NOTCH3: variants seen among roughly 807,000 people sequenced by gnomAD.
The protein encoded by NOTCH3 is neurogenic locus notch homolog protein 3.
Under a neutral mutation model 213.3 loss-of-function variants are expected in NOTCH3, and 86 were observed. The ratio of observed to expected loss-of-function variants is 0.40; its 90% CI spans 0.34 to 0.48. NOTCH3 has a LOEUF of 0.48. Among genes scored for constraint, NOTCH3 ranks in the 20% least tolerant of loss-of-function variants. The pLI, the probability that NOTCH3 is intolerant of heterozygous loss-of-function variation, is 0.57. For synonymous variants in NOTCH3, 1,354 were observed against 1,355.9 expected (o/e 1.00, Z 0.03); for missense variants, 2,783 against 3,272.6 (o/e 0.85, Z 3.65).
rs761506399 is a variant in NOTCH3, at chr19:15,177,615, T to C, written c.4313A>G (p.Asn1438Ser). 1.9e-6 allele frequency: 3 copies of C among 1,591,468 alleles called. No individual in the cohort carries two copies. Among genetic ancestry groups the C allele is most frequent in the South Asian group, 2.3e-5 (2 of 88,246 alleles). ...GCAGGCGGGGTCGCAGCGGCTGTTG[T>C]TGAAGAGGCGCCAGCACTGCAGCGC... The part of the protein sequence containing the change: ...CEALQCWRLF[N>S]NSRCDPACSS... The change falls in exon 24 of 33, where the codon AAC becomes AGC. Residue 1438 changes from asparagine (N) to serine (S), a missense_variant. Around this residue, in one of 6 missense-constraint regions of NOTCH3, gnomAD observed 636 missense variants for 801.8 expected, o/e 0.79. Coordinates refer to ENST00000263388, the MANE Select transcript of NOTCH3 (RefSeq NM_000435.3).
chr19:15,188,040 C>T, intron 9 of NOTCH3, 46 bp from the exon 10 acceptor site: 1 of 1,386,606 alleles, frequency 7.2e-7, no homozygotes, highest in Non-Finnish European at 1.0e-6. Flanking sequence ...AGGGTGAGAG[C>T]AGTACACCCC....
In NOTCH3 at chr19:15,187,185, C is replaced by A. The variant is rs142787620; in HGVS notation, c.1760G>T (p.Arg587Leu). Reference sequence around the variant, plus strand: ...GCCGCCATGGCGGCAGGGCTGGCTGCGGCATTCGTCCACCTGGCTCTCGCA... The same window carrying A: ...GCCGCCATGGCGGCAGGGCTGGCTGAGGCATTCGTCCACCTGGCTCTCGCA... Reference protein sequence around the residue: ...TRCESQVDECRSQPCRHGGKC... With the variant: ...TRCESQVDECLSQPCRHGGKC... The change falls in exon 11 of 33, where the codon CGC (arginine) becomes CTC (leucine). Residue 587 changes from arginine to leucine, a missense_variant. Coordinates refer to ENST00000263388, the MANE Select transcript of NOTCH3 (RefSeq NM_000435.3). 2.5e-6 allele frequency: 4 copies of A among 1,614,062 alleles called. No individual in the cohort carries two copies. Among genetic ancestry groups the A allele is most frequent in the Non-Finnish European group, 3.4e-6 (4 of 1,180,022 alleles).
At position 15,189,076 on chromosome 19, in the gene NOTCH3, C is replaced by T. The variant is rs2145436233; in HGVS notation, c.1291G>A (p.Asp431Asn). 1 of 1,613,186 alleles carries T rather than the reference C, an allele frequency of 6.2e-7. No homozygotes were observed. The highest frequency in any genetic ancestry group is 1.1e-5 in the South Asian group (1 of 91,088). The change falls in exon 8 of 33, where the codon GAT becomes AAT. Residue 431 changes from aspartate (D) to asparagine (N), a missense_variant. Transcript: ENST00000263388. ...RGYTGPRCET[D>N]VNECLSGPCR... ...GGCCCCGACAGACACTCGTTGACAT[C>T]GGTCTCACAGCGAGGTCCAGTGTAG...
chr19:15,197,441 G>GGGGCCCCCCCCCC, intron 2 of NOTCH3, 59 bp downstream of exon 2: 7 of 768,356 alleles, frequency 9.1e-6, no homozygotes, highest in Admixed American at 2.0e-5. Context: ...AAGACAAATC[G>GGGGCCCCCCCCCC]CCCCTCCCCC....
At chr19:15,176,046 C>G (rs1206395729) in intron 24 of NOTCH3, among the ~76,000 whole-genome samples, 1 of 151,624 alleles carries the variant, frequency 6.6e-6, no homozygotes, top group Non-Finnish European at 1.5e-5. Flanking sequence ...TCAGGGGCAC[C>G]CACAGATAGC....
intron 2 of NOTCH3, among the ~76,000 whole-genome samples, chr19:15,194,460 A>C (rs2046954173): frequency 6.6e-6 from 1 of 152,194 alleles, no homozygotes; most frequent in Non-Finnish European, 1.5e-5. Flanking sequence ...CTTCAAGAGA[A>C]TAAATTACTA....
intron 23 of NOTCH3, chr19:15,178,306 C>G (rs780752651): frequency 6.5e-5 from 35 of 541,310 alleles, no homozygotes; most frequent in Non-Finnish European, 1.0e-4. Flanking sequence ...GCAGATAAGC[C>G]CTGCCATCCC....
Position 15,159,692 on chromosome 19 carries a change from G to A in NOTCH3, c.*970C>T, listed in dbSNP as rs564269352. ...GGAGTGGGGGGCTGTACAATGCAGG[G>A]CTTGGGAATTCAGCTACACAGGGAT... is the stretch of plus-strand genomic sequence containing the variant. On this transcript the variant is annotated 3_prime_UTR_variant, in exon 33 of 33. Coordinates refer to ENST00000263388, the MANE Select transcript of NOTCH3 (RefSeq NM_000435.3). 37 of 232,900 alleles carry A rather than the reference G, an allele frequency of 1.6e-4. No individual in the cohort carries two copies. Among genetic ancestry groups the A allele is most frequent in the African/African-American group, 7.3e-4 (33 of 45,434 alleles). The allele number at this position is 232,900 out of a possible 1,614,324, so 14.4% of individuals were successfully genotyped here.
rs777864050 is a variant in NOTCH3 at position 15,179,221 on chromosome 19, G to C, written c.3522C>G (p.Pro1174=). The C allele has an allele frequency of 6.2e-6, 10 of 1,613,980 alleles. No individual in the cohort carries two copies. In the South Asian group the frequency reaches 1.1e-4, roughly 18 times the overall value. ...CGPGPPLDSG[P]RCLHNGTCVD... is the part of the protein sequence containing the mutation. Reference sequence around the variant, plus strand: ...CGCAGGTGCCATTGTGTAGGCACCGGGGCCCTGAGTCCAGCGGTGGGCCTG... The same window carrying C: ...CGCAGGTGCCATTGTGTAGGCACCGCGGCCCTGAGTCCAGCGGTGGGCCTG... The change falls in exon 22 of 33, where the codon CCC becomes CCG. Residue 1174 remains proline (P), a synonymous_variant. Coordinates refer to ENST00000263388, the MANE Select transcript of NOTCH3 (RefSeq NM_000435.3).
At chr19:15,193,942 C>G (rs908754556) in intron 2 of NOTCH3, among the ~76,000 whole-genome samples, 1 of 151,704 alleles carries the variant, frequency 6.6e-6, no homozygotes, top group Non-Finnish European at 1.5e-5. Context: ...ATTAGCTGGG[C>G]GTGGTGGTGC....
chr19:15,170,681 C>G lies in NOTCH3; in HGVS notation c.4881G>C (p.Arg1627=). The change falls in exon 26 of 33, where the codon CGG becomes CGC. Residue 1627 remains arginine, a synonymous_variant. Coordinates refer to ENST00000263388, the MANE Select transcript of NOTCH3 (RefSeq NM_000435.3). ...AAGGCAGGGCCGCACCCCGCACGTC[C>G]CGCAGTGGGTACGGGAAGTCCAGGC... The part of the protein sequence containing the change: ...VERLDFPYPL[R]DVRGEPLEPP... 5 of 1,578,120 alleles carry G rather than the reference C, an allele frequency of 3.2e-6. No individual in the cohort carries two copies. Among genetic ancestry groups the G allele is most frequent in the Non-Finnish European group, 3.4e-6 (4 of 1,163,138 alleles).
In NOTCH3 at chr19:15,175,588, T is replaced by TACACACAC. The variant is rs149125680; in HGVS notation, c.4404-1189_4404-1188insGTGTGTGT. ...ATATATATATATGTATATATATGTATATACACACACACACACACACACACA... is the reference window on the plus strand; with the variant it reads ...ATATATATATATGTATATATATGTATACACACACATACACACACACACACACACACACA... On this transcript the variant is annotated intron_variant, in intron 24 of 32. Coordinates refer to ENST00000263388, the MANE Select transcript of NOTCH3 (RefSeq NM_000435.3). Among the ~76,000 whole-genome samples the TACACACAC allele has an allele frequency of 3.4e-3, 160 of 47,188 alleles. 1 individual carries two copies. The highest frequency in any genetic ancestry group is 8.0e-3 in the African/African-American group (148 of 18,522). 31.0% of individuals were successfully genotyped at this position (47,188 alleles called of 152,430 possible). A position where few individuals can be genotyped will look rare whatever the true frequency, so the allele number is the denominator to read the frequency against.
chr19:15,195,913 G>A (rs1472036140), intron 2 of NOTCH3, among the ~76,000 whole-genome samples: 1 of 151,636 alleles, frequency 6.6e-6, no homozygotes, highest in African/African-American at 2.4e-5. Context: ...GGGGGAGACG[G>A]AGGGGGGAGC....
intron 6 of NOTCH3, among the ~76,000 whole-genome samples, chr19:15,191,020 C>A (rs549742375): frequency 6.6e-6 from 1 of 151,996 alleles, no homozygotes; most frequent in Non-Finnish European, 1.5e-5. Flanking sequence ...TGTGCCCGGC[C>A]TAGCATAATC....
chr19:15,186,373 TTTTGTATGTG>T (rs1240686111), intron 12 of NOTCH3, among the ~76,000 whole-genome samples: 110 of 118,060 alleles, frequency 9.3e-4, no homozygotes, highest in Middle Eastern at 3.9e-3. Context: ...TTTTGTTTGT[TTTTGTATGTG>T]TGTGTGTGTG....
In NOTCH3 at chr19:15,189,072, A is replaced by G; in HGVS notation, c.1295T>C (p.Val432Ala). The change falls in exon 8 of 33, where the codon GTC becomes GCC. Residue 432 changes from valine to alanine, a missense_variant. Transcript: ENST00000263388. Reference sequence around the variant, plus strand: ...GCAGGGCCCCGACAGACACTCGTTGACATCGGTCTCACAGCGAGGTCCAGT... The same window carrying G: ...GCAGGGCCCCGACAGACACTCGTTGGCATCGGTCTCACAGCGAGGTCCAGT... The part of the protein sequence containing the change: ...GYTGPRCETD[V>A]NECLSGPCRN... 1 of 1,613,164 alleles carries G rather than the reference A, an allele frequency of 6.2e-7. No homozygotes were observed. The highest frequency in any genetic ancestry group is 8.5e-7 in the Non-Finnish European group (1 of 1,180,024).
At chr19:15,197,441 G>GCGCC in intron 2 of NOTCH3, 59 bp downstream of exon 2, 32 of 768,322 alleles carry the variant, frequency 4.2e-5, no homozygotes, top group East Asian at 1.1e-4. Flanking sequence ...AAGACAAATC[G>GCGCC]CCCCTCCCCC....
In NOTCH3 at chr19:15,178,066, G is replaced by A. The variant is rs1018256553; in HGVS notation, c.3862C>T (p.Arg1288Trp). 10 of 1,519,026 alleles carry A rather than the reference G, an allele frequency of 6.6e-6. No homozygotes were observed. The highest frequency in any genetic ancestry group is 8.8e-6 in the Non-Finnish European group (10 of 1,139,140). The allele number at this position is 1,519,026 out of a possible 1,614,324, so 94.1% of individuals were successfully genotyped here. Residue 1288 changes from arginine (R) to tryptophan (W), a missense_variant, in exon 24 of 33, where the codon CGG (arginine) becomes TGG (tryptophan). Arg to Trp is a moderately radical substitution (Grantham distance 101). Around this residue, in one of 6 missense-constraint regions of NOTCH3, gnomAD observed 861 missense variants for 909.1 expected, o/e 0.95. Transcript: ENST00000263388. Reference protein sequence around the residue: ...AQPFWGPRCERVARSCRELQC... With the variant: ...AQPFWGPRCEWVARSCRELQC... ...AGCTCCCGGCAGGAGCGCGCCACCC[G>A]CTCGCAACGCGGACCCCAGAACGGC...
At position 15,174,289 on chromosome 19, in the gene NOTCH3, C is replaced by T. The variant is rs756841357; in HGVS notation, c.4515G>A (p.Pro1505=). The T allele has an allele frequency of 1.3e-6, 2 of 1,559,078 alleles. No homozygotes were observed. Among genetic ancestry groups the T allele is most frequent in the Non-Finnish European group, 1.7e-6 (2 of 1,153,782 alleles). Residue 1505 remains proline, a synonymous_variant, in exon 25 of 33, where the codon CCG becomes CCA. Coordinates refer to ENST00000263388, the MANE Select transcript of NOTCH3 (RefSeq NM_000435.3). ...CCAGCACGCCGCGGGCCAGCAGGGC[C>T]GGCACCTCGCTGGCACAATCCAGCC... is the stretch of plus-strand genomic sequence containing the variant. ...WDGLDCASEV[P]ALLARGVLVL... is the part of the protein sequence containing the mutation.
Sources: gnomAD v4.1 joint callset for allele counts (sites outside exome capture counted in the v4.1 genomes callset) on GRCh38, gnomAD v4.1.1 for gene constraint, gnomAD v4.1.1 regional missense constraint, MANE v1.5 for transcripts, NCBI Gene and HGNC (gene_info 2026-07-23, HGNC 2026-07-21) for gene names.